The following ACTR3C variants were observed in gnomAD, a reference collection of about 807,000 sequenced individuals.
The protein encoded by ACTR3C is actin-related protein 3C.
In ACTR3C, 18 loss-of-function variants were observed where a neutral mutation model predicts 26.3. That is an observed-to-expected ratio of 0.68 (90% CI 0.47 to 1.01). The LOEUF (loss-of-function observed/expected upper bound fraction) is 1.01. Among genes scored for constraint, ACTR3C ranks in the 50% least tolerant of loss-of-function variants. The probability of loss-of-function intolerance (pLI) is 0.00; values close to 1 mark genes in which losing one functional copy is unlikely to be tolerated. For synonymous variants in ACTR3C, 55 were observed against 94.5 expected (o/e 0.58, Z 2.42); for missense variants, 184 against 250.7 (o/e 0.73, Z 1.80).
intron 4 of ACTR3C, among the ~76,000 whole-genome samples, chr7:150,287,788 G>A (rs1257357535): frequency 6.9e-6 from 1 of 145,804 alleles, no homozygotes; most frequent in Non-Finnish European, 1.5e-5. Context: ...CAGAGCAACA[G>A]GGTCAGCTGA....
At chr7:150,133,523 C>T in the ACTR3C span, among the ~76,000 whole-genome samples, 19 of 152,154 alleles carry the variant, frequency 1.2e-4, no homozygotes, top group African/African-American at 2.9e-4. Flanking sequence ...TCATGCTGAG[C>T]TTATCAGGGA....
the ACTR3C span, among the ~76,000 whole-genome samples, chr7:150,197,743 CCTTT>C: frequency 6.6e-6 from 1 of 152,184 alleles, no homozygotes; most frequent in Admixed American, 6.5e-5. Context: ...CCAAACTATT[CCTTT>C]CTCTTTCTTC....
the ACTR3C span, among the ~76,000 whole-genome samples, chr7:150,023,141 ATAGATAT>A: frequency 1.4e-5 from 1 of 69,302 alleles, no homozygotes; most frequent in Non-Finnish European, 3.6e-5. Flanking sequence ...ATACATATAT[ATAGATAT>A]CTATATAGAT....
chr7:150,018,632 CA>C, the ACTR3C span, among the ~76,000 whole-genome samples: 3 of 149,970 alleles, frequency 2.0e-5, no homozygotes, highest in South Asian at 4.2e-4. Flanking sequence ...ATTTTAACAA[CA>C]AAAAAAATCC....
chr7:150,165,974 A>G, the ACTR3C span, among the ~76,000 whole-genome samples: 1 of 151,794 alleles, frequency 6.6e-6, no homozygotes, highest in Non-Finnish European at 1.5e-5. Flanking sequence ...TGCTAGATAC[A>G]TTTCTTTGGT....
chr7:150,139,736 G>A, the ACTR3C span, among the ~76,000 whole-genome samples: 1 of 152,168 alleles, frequency 6.6e-6, no homozygotes, highest in Non-Finnish European at 1.5e-5. Flanking sequence ...CCCAATATCA[G>A]AAGCACTGCC....
At chr7:150,085,968 T>C in the ACTR3C span, among the ~76,000 whole-genome samples, 1 of 149,694 alleles carries the variant, frequency 6.7e-6, no homozygotes, top group Non-Finnish European at 1.5e-5. Flanking sequence ...ATTTTTTTTT[T>C]CTTTTTTCTT....
the ACTR3C span, among the ~76,000 whole-genome samples, chr7:149,998,040 A>T: frequency 2.0e-5 from 3 of 151,322 alleles, no homozygotes; most frequent in East Asian, 6.1e-4. Context: ...GGAGGCTCCC[A>T]CAATAGGGCC....
At chr7:150,131,079 A>G in the ACTR3C span, among the ~76,000 whole-genome samples, 1 of 152,224 alleles carries the variant, frequency 6.6e-6, no homozygotes, top group African/African-American at 2.4e-5. Flanking sequence ...CATTTTTTCA[A>G]AGCTCACTAA....
the ACTR3C span, among the ~76,000 whole-genome samples, chr7:150,178,579 C>T: frequency 1.3e-5 from 2 of 150,434 alleles, no homozygotes; most frequent in African/African-American, 2.5e-5. Flanking sequence ...CCACTGCACT[C>T]TGCCAGGAAC....
the ACTR3C span, among the ~76,000 whole-genome samples, chr7:150,148,337 C>T: frequency 6.0e-4 from 91 of 152,156 alleles, no homozygotes; most frequent in Non-Finnish European, 9.9e-4. Flanking sequence ...ATTAGCCAGG[C>T]GTGGTGGCAT....
chr7:150,292,742 C>G (rs552179189), intron 3 of ACTR3C, among the ~76,000 whole-genome samples: 9 of 152,206 alleles, frequency 5.9e-5, no homozygotes, highest in African/African-American at 2.2e-4. Flanking sequence ...GGTGATCCGC[C>G]CGCCTTGGCC....
chr7:150,258,126 T>C (rs1833355862), intron 6 of ACTR3C, among the ~76,000 whole-genome samples: 1 of 151,946 alleles, frequency 6.6e-6, no homozygotes, highest in South Asian at 2.1e-4. Flanking sequence ...GAAAAAAAGT[T>C]AGAACGGAGT....
the ACTR3C span, among the ~76,000 whole-genome samples, chr7:150,172,120 C>A: frequency 0.14 from 21,524 of 150,434 alleles, 3,294 homozygotes; most frequent in African/African-American, 0.32. Context: ...GATTCTATAA[C>A]TATTAAAAGG....
intron 6 of ACTR3C, 141 bp from the exon 7 acceptor site, chr7:150,249,195 G>A: frequency 2.4e-6 from 1 of 421,732 alleles, no homozygotes; most frequent in East Asian, 3.4e-5. Flanking sequence ...GTTGCTTAAA[G>A]GAGAACACCA....
the ACTR3C span, among the ~76,000 whole-genome samples, chr7:150,023,908 C>T: frequency 8.6e-6 from 1 of 116,868 alleles, no homozygotes; most frequent in East Asian, 2.5e-4. Context: ...GGAACAGGAG[C>T]CGGAGCCATG....
intron 6 of ACTR3C, among the ~76,000 whole-genome samples, chr7:150,272,066 T>C (rs1045485756): frequency 6.9e-6 from 1 of 145,812 alleles, no homozygotes; most frequent in African/African-American, 2.8e-5. Context: ...AAGAAATAAA[T>C]TAGAGAGCAA....
the ACTR3C span, among the ~76,000 whole-genome samples, chr7:150,045,787 C>T: frequency 6.6e-6 from 1 of 152,142 alleles, no homozygotes; most frequent in African/African-American, 2.4e-5. Flanking sequence ...AAATTCAGAG[C>T]TCTTGCCTTT....
chr7:150,242,749 T>C (rs1193212102), downstream of ACTR3C, among the ~76,000 whole-genome samples: 1 of 152,160 alleles, frequency 6.6e-6, no homozygotes, highest in African/African-American at 2.4e-5. Flanking sequence ...TAAAGAGTGA[T>C]TTCCTTTTGT....
Sources: allele counts gnomAD v4.1 joint callset (sites outside exome capture counted in the v4.1 genomes callset), GRCh38; gene constraint gnomAD v4.1.1; transcripts MANE v1.5; gene names NCBI Gene and HGNC (gene_info 2026-07-23, HGNC 2026-07-21).